EBF1: variants seen among roughly 807,000 people sequenced by gnomAD.
EBF1 encodes the protein transcription factor COE1.
In EBF1, 10 loss-of-function variants were observed where a neutral mutation model predicts 68.4. The observed-to-expected ratio is 0.15, with a 90% CI of 0.09 to 0.25. The LOEUF is 0.25. EBF1 is among the 10% of genes least tolerant of loss of function. The pLI is 1.00. For synonymous variants in EBF1, 298 were observed against 299.8 expected (o/e 0.99, Z 0.06); for missense variants, 509 against 794.4 (o/e 0.64, Z 4.32).
chr5:159,016,652 G>A (rs1323262030), intron 6 of EBF1, among the ~76,000 whole-genome samples: 6 of 152,182 alleles, frequency 3.9e-5, no homozygotes, highest in Admixed American at 6.5e-5. Flanking sequence ...GCCTATGACT[G>A]CAATGCCAGG....
chr5:159,010,992 T>G lies in EBF1; in HGVS notation c.554+62404A>C, dbSNP rs1046818644. ...CCTTGCAAATTATAGACACACACCA[T>G]AAAACAGTAGATACAAAATGCCACA... is the stretch of plus-strand genomic sequence containing the variant. On this transcript the variant is annotated intron_variant, in intron 6 of 15. Coordinates refer to ENST00000313708, the MANE Select transcript of EBF1 (RefSeq NM_024007.5). 1.4e-4 allele frequency among the ~76,000 whole-genome samples: 22 copies of G among 152,166 alleles called. 1 individual carries two copies. The highest frequency in any genetic ancestry group is 2.9e-4 in the Non-Finnish European group (20 of 68,022).
intron 7 of EBF1, among the ~76,000 whole-genome samples, chr5:158,830,707 G>C (rs183996486): frequency 6.6e-6 from 1 of 152,196 alleles, no homozygotes; most frequent in Admixed American, 6.5e-5. Flanking sequence ...CAGCAGTTAG[G>C]TCTTCATTAA....
intron 14 of EBF1, among the ~76,000 whole-genome samples, chr5:158,710,774 A>T (rs1426571944): frequency 6.6e-6 from 1 of 152,244 alleles, no homozygotes; most frequent in African/African-American, 2.4e-5. Context: ...ACTATGAGAC[A>T]GGGCATCATT....
Position 158,730,249 on chromosome 5 carries a change from C to T in EBF1, c.1125+820G>A, listed in dbSNP as rs142690510. Among the ~76,000 whole-genome samples, 9 of 152,300 alleles carry T rather than the reference C, an allele frequency of 5.9e-5. No homozygotes were observed. In the East Asian group the frequency reaches 1.5e-3, roughly 26 times the overall value. ...TTTGAACTTCCTTCGCATTTAACTG[C>T]CCTCTCCTCTGAGTCCTCACAGAAC... On this transcript the variant is annotated intron_variant, in intron 11 of 15. Transcript: ENST00000313708.
At chr5:158,877,715 C>CAG (rs1383953634) in intron 6 of EBF1, among the ~76,000 whole-genome samples, 1 of 151,816 alleles carries the variant, frequency 6.6e-6, no homozygotes, top group Non-Finnish European at 1.5e-5. Flanking sequence ...CACACACACA[C>CAG]ACTTTCCAAT....
intron 12 of EBF1, 31 bp downstream of exon 12, chr5:158,714,086 T>C (rs1755458148): frequency 1.2e-6 from 2 of 1,612,034 alleles, no homozygotes; most frequent in South Asian, 1.1e-5. Flanking sequence ...CATGTGGCAG[T>C]CCACACAGGC....
At chr5:158,781,679 TCTTC>T (rs1356849910) in intron 9 of EBF1, among the ~76,000 whole-genome samples, 16 of 152,192 alleles carry the variant, frequency 1.1e-4, no homozygotes, top group Admixed American at 1.0e-3. Flanking sequence ...TATTTCTTTT[TCTTC>T]CTTTATTTTT....
chr5:158,769,225 G>A (rs959918878), intron 10 of EBF1, among the ~76,000 whole-genome samples: 9 of 152,208 alleles, frequency 5.9e-5, no homozygotes, highest in Admixed American at 2.6e-4. Context: ...GAATGGGACC[G>A]TTGGTTATGG....
At chr5:159,085,757 T>C (rs900862877) in intron 4 of EBF1, among the ~76,000 whole-genome samples, 1 of 152,138 alleles carries the variant, frequency 6.6e-6, no homozygotes, top group East Asian at 1.9e-4. Flanking sequence ...TATCTTTATA[T>C]AGTACATATA....
chr5:159,082,586 G>A (rs1779929537), intron 5 of EBF1, among the ~76,000 whole-genome samples: 1 of 152,236 alleles, frequency 6.6e-6, no homozygotes, highest in South Asian at 2.1e-4. Context: ...ATAGGATGGT[G>A]TGGAAAGTGA....
chr5:159,027,777 C>T (rs548775866), intron 6 of EBF1, among the ~76,000 whole-genome samples: 9 of 152,180 alleles, frequency 5.9e-5, no homozygotes, highest in Admixed American at 3.9e-4. Context: ...CCCCTCTAGC[C>T]GGAATTTTCC....
chr5:158,699,106 T>G lies in EBF1; in HGVS notation c.*5A>C, dbSNP rs1233585908. ...TCATTAATACAATTCTTCAAGGCAA[T>G]TCTTTCACATAGGAGGAACAATCAT... On this transcript the variant is annotated 3_prime_UTR_variant, in exon 16 of 16. Transcript: ENST00000313708. 1 of 1,607,480 alleles carries G rather than the reference T, an allele frequency of 6.2e-7. No individual in the cohort carries two copies. Among genetic ancestry groups the G allele is most frequent in the African/African-American group, 1.3e-5 (1 of 74,572 alleles).
At chr5:158,824,168 C>T (rs1294274927) in intron 7 of EBF1, among the ~76,000 whole-genome samples, 1 of 152,178 alleles carries the variant, frequency 6.6e-6, no homozygotes, top group African/African-American at 2.4e-5. Context: ...CCTCTTACAA[C>T]CAAATATAAT....
chr5:158,838,051 AAAG>A (rs749259594), intron 7 of EBF1, among the ~76,000 whole-genome samples: 4 of 152,308 alleles, frequency 2.6e-5, no homozygotes, highest in South Asian at 2.1e-4. Flanking sequence ...GCTTAATTGC[AAAG>A]TTGACTCAAA....
At chr5:158,851,093 G>A (rs1792551767) in intron 6 of EBF1, among the ~76,000 whole-genome samples, 1 of 151,734 alleles carries the variant, frequency 6.6e-6, no homozygotes, top group Non-Finnish European at 1.5e-5. Flanking sequence ...AAAGAAAAAG[G>A]TTCCTAGCCA....
In EBF1 at chr5:158,699,028, G is replaced by T. The variant is rs150521963; in HGVS notation, c.*83C>A. On this transcript the variant is annotated 3_prime_UTR_variant, in exon 16 of 16. Transcript: ENST00000313708. ...CCTCTTAAAAAGGCCTGAGTTAAAA[G>T]TTCCACTCTGGGACTTGTATCAGAT... 1.5e-4 allele frequency: 196 copies of T among 1,338,982 alleles called. 2 individuals carry two copies. In the African/African-American group the frequency reaches 2.7e-3, roughly 18 times the overall value. The allele number at this position is 1,338,982 out of a possible 1,614,324, so 82.9% of individuals were successfully genotyped here.
intron 11 of EBF1, among the ~76,000 whole-genome samples, chr5:158,728,270 G>T (rs941652117): frequency 6.6e-6 from 1 of 152,154 alleles, no homozygotes; most frequent in African/African-American, 2.4e-5. Context: ...GCCCTTGCAC[G>T]ATCAAGTGGC....
chr5:158,719,342 C>T (rs74620787), intron 11 of EBF1, among the ~76,000 whole-genome samples: 356 of 152,260 alleles, frequency 2.3e-3, no homozygotes, highest in African/African-American at 8.3e-3. Flanking sequence ...TCCTTATGGT[C>T]CTCAGCCTTT....
At chr5:158,703,602 C>T (rs899397757) in intron 15 of EBF1, among the ~76,000 whole-genome samples, 39 of 126,340 alleles carry the variant, frequency 3.1e-4, no homozygotes, top group East Asian at 1.7e-3. Context: ...GTTGCTTTTT[C>T]AAAAAAAAAA....
Sources: gnomAD v4.1 joint callset for allele counts (sites outside exome capture counted in the v4.1 genomes callset) on GRCh38, gnomAD v4.1.1 for gene constraint, MANE v1.5 for transcripts, NCBI Gene and HGNC (gene_info 2026-07-23, HGNC 2026-07-21) for gene names.